Variants in FOLH1 observed in about 807,000 individuals in gnomAD.
The protein encoded by FOLH1 is folate hydrolase 1, also known as glutamate carboxypeptidase 2.
FOLH1 carries 54 observed loss-of-function variants against 93.9 expected under a neutral mutation model. That is an observed-to-expected ratio of 0.57 (90% confidence interval 0.46 to 0.72). FOLH1 has a LOEUF of 0.72. Among genes scored for constraint, FOLH1 ranks in the 30% least tolerant of loss-of-function variants. The probability of loss-of-function intolerance (pLI) is 0.00; values close to 1 mark genes in which losing one functional copy is unlikely to be tolerated. For missense variants in FOLH1, 571 were observed against 892.5 expected (o/e 0.64, Z 4.59); for synonymous variants, 249 against 303.6 (o/e 0.82, Z 1.87).
At chr11:49,177,687 C>T (rs1293403241) in intron 7 of FOLH1, among the ~76,000 whole-genome samples, 1 of 151,536 alleles carries the variant, frequency 6.6e-6, no homozygotes, top group African/African-American at 2.4e-5. Context: ...GTGGCTCACG[C>T]CTGTAATCCC....
intron 1 of FOLH1, 36 bp downstream of exon 1, chr11:49,208,256 A>G: frequency 1.4e-6 from 2 of 1,400,652 alleles, no homozygotes; most frequent in East Asian, 5.0e-5. Flanking sequence ...ACCACGGGGA[A>G]GACTCCGAGG....
At chr11:49,167,507 G>C (rs2135035244) in intron 12 of FOLH1, among the ~76,000 whole-genome samples, 1 of 152,258 alleles carries the variant, frequency 6.6e-6, no homozygotes, top group South Asian at 2.1e-4. Flanking sequence ...GTGTAGCTCA[G>C]AGGCATTGAC....
intron 16 of FOLH1, 108 bp from the exon 17 acceptor site, chr11:49,154,035 T>C: frequency 1.5e-6 from 2 of 1,313,424 alleles, no homozygotes; most frequent in Non-Finnish European, 2.1e-6. Flanking sequence ...CTTTTGTGTT[T>C]TACAAGGTAT....
intron 17 of FOLH1, among the ~76,000 whole-genome samples, chr11:49,152,589 G>T (rs383028): frequency 0.89 from 135,634 of 152,202 alleles, 60,468 homozygotes; most frequent in South Asian, 0.95. Flanking sequence ...GACAACATTT[G>T]TAAAATTATT....
chr11:49,187,694 C>T (rs1485183695), intron 4 of FOLH1, among the ~76,000 whole-genome samples: 1 of 152,144 alleles, frequency 6.6e-6, no homozygotes, highest in Non-Finnish European at 1.5e-5. Context: ...ACCAGATGAG[C>T]TGTCCAGATT....
chr11:49,174,817 C>A (rs996418289), intron 9 of FOLH1, 75 bp downstream of exon 9: 5 of 1,207,240 alleles, frequency 4.1e-6, no homozygotes, highest in Middle Eastern at 4.0e-4. Flanking sequence ...ATTCACTTTG[C>A]ACTCCCAGAG....
At chr11:49,157,710 G>A (rs1016234195) in intron 14 of FOLH1, among the ~76,000 whole-genome samples, 7 of 151,950 alleles carry the variant, frequency 4.6e-5, no homozygotes, top group Non-Finnish European at 1.0e-4. Context: ...TTTATAATCT[G>A]CTGAAATGTT....
chr11:49,171,350 T>C (rs904445491), intron 10 of FOLH1, 73 bp from the exon 11 acceptor site: 33 of 1,362,314 alleles, frequency 2.4e-5, no homozygotes, highest in Admixed American at 1.0e-4. Context: ...CAAGCCCAGA[T>C]TGGAAAAAAA....
chr11:49,205,306 A>T (rs1863778702), intron 2 of FOLH1, among the ~76,000 whole-genome samples: 2 of 152,166 alleles, frequency 1.3e-5, no homozygotes, highest in Non-Finnish European at 2.9e-5. Context: ...TGCTTTTTAA[A>T]TTTACTTATT....
At chr11:49,182,514 C>T (rs141537322) in intron 7 of FOLH1, among the ~76,000 whole-genome samples, 1,526 of 152,068 alleles carry the variant, frequency 0.01, 21 homozygotes, top group African/African-American at 0.035. Context: ...GGAAGTTGCT[C>T]TCATAGTGTG....
At position 49,185,847 on chromosome 11, in the gene FOLH1, A is replaced by G. The variant is rs748517077; in HGVS notation, c.648T>C (p.Asn216=). Residue 216 remains asparagine, a synonymous_variant, in exon 6 of 19, where the codon AAT becomes AAC. Transcript: ENST00000256999. ...CTCCTTTGGCCCCTGCCAGCTGGGC[A>G]TTTTTAACCTAGAAAACACAGTGTC... ...GKVFRGNKVK[N]AQLAGAKGVI... The G allele has an allele frequency of 1.4e-5, 21 of 1,540,412 alleles. No individual in the cohort carries two copies. Among genetic ancestry groups the G allele is most frequent in the Non-Finnish European group, 1.7e-5 (20 of 1,149,764 alleles).
chr11:49,192,206 T>C (rs911613010), intron 4 of FOLH1, among the ~76,000 whole-genome samples: 5 of 152,164 alleles, frequency 3.3e-5, no homozygotes, highest in African/African-American at 1.2e-4. Context: ...AATAAAAATG[T>C]ATTGTTAATT....
intron 1 of FOLH1, 156 bp from the exon 2 acceptor site, chr11:49,206,328 T>C (rs1565223666): frequency 3.5e-6 from 4 of 1,137,866 alleles, no homozygotes; most frequent in Non-Finnish European, 2.5e-6. Flanking sequence ...TCTTGCCTAC[T>C]TTCACTGAAA....
intron 1 of FOLH1, chr11:49,207,006 T>A: frequency 5.4e-6 from 3 of 559,268 alleles, no homozygotes; most frequent in Non-Finnish European, 9.5e-6. Flanking sequence ...TAGTTCTTAA[T>A]CGCATGCATA....
chr11:49,160,964 T>C (rs1297040472), intron 13 of FOLH1, among the ~76,000 whole-genome samples: 1 of 152,186 alleles, frequency 6.6e-6, no homozygotes. Flanking sequence ...TTTCTTACTC[T>C]TGATTTTGAA....
At chr11:49,155,814 A>ATG (rs1263382899) in intron 15 of FOLH1, among the ~76,000 whole-genome samples, 1 of 86,758 alleles carries the variant, frequency 1.2e-5, no homozygotes, top group Admixed American at 1.1e-4. Context: ...ATATATATAT[A>ATG]TATATATATA....
At chr11:49,206,560 C>T (rs1863985349) in intron 1 of FOLH1, among the ~76,000 whole-genome samples, 1 of 152,140 alleles carries the variant, frequency 6.6e-6, no homozygotes, top group Non-Finnish European at 1.5e-5. Flanking sequence ...TTTCTATCTT[C>T]CTCTGCTGAC....
At chr11:49,203,490 C>T (rs1863502404) in intron 2 of FOLH1, among the ~76,000 whole-genome samples, 1 of 152,144 alleles carries the variant, frequency 6.6e-6, no homozygotes, top group Non-Finnish European at 1.5e-5. Context: ...GTCTCTGACC[C>T]ATGGGTATAT....
At chr11:49,148,586 T>C (rs1856046297) in intron 18 of FOLH1, 53 bp downstream of exon 18, 3 of 1,348,326 alleles carry the variant, frequency 2.2e-6, no homozygotes, top group Admixed American at 4.9e-5. Context: ...AAAATAAAAA[T>C]AATTAGAAGA....
Sources: gnomAD v4.1 joint callset for allele counts (sites outside exome capture counted in the v4.1 genomes callset) on GRCh38, gnomAD v4.1.1 for gene constraint, MANE v1.5 for transcripts, NCBI Gene and HGNC (gene_info 2026-07-23, HGNC 2026-07-21) for gene names.